The following CDC23 variants were observed in gnomAD, a reference collection of about 807,000 sequenced individuals.
CDC23 encodes the protein cell division cycle protein 23 homolog.
A neutral mutation model predicts 81.7 loss-of-function variants in CDC23; 26 were observed. The ratio of observed to expected loss-of-function variants is 0.32; its 90% CI spans 0.23 to 0.44. CDC23 has a LOEUF of 0.44. CDC23 is among the 20% of genes least tolerant of loss of function. The probability of loss-of-function intolerance (pLI) is 1.00; values close to 1 mark genes in which losing one functional copy is unlikely to be tolerated. For synonymous variants in CDC23, 267 were observed against 270.8 expected, an observed-to-expected ratio of 0.99 and a Z score of 0.14; for missense variants, 519 against 728.0, an observed-to-expected ratio of 0.71 and a Z score of 3.30.
intron 3 of CDC23, among the ~76,000 whole-genome samples, chr5:138,202,923 T>C (rs1755005103): frequency 6.6e-6 from 1 of 152,192 alleles, no homozygotes; most frequent in Non-Finnish European, 1.5e-5. Flanking sequence ...GGTCTTAAAA[T>C]GTTATCCGCA....
chr5:138,210,831 G>A (rs1188798111), intron 2 of CDC23, among the ~76,000 whole-genome samples: 1 of 152,178 alleles, frequency 6.6e-6, no homozygotes, highest in Non-Finnish European at 1.5e-5. Context: ...GATATTTACT[G>A]AGGCTCTACT....
At chr5:138,202,587 C>T (rs754098328) in intron 3 of CDC23, among the ~76,000 whole-genome samples, 12 of 152,148 alleles carry the variant, frequency 7.9e-5, no homozygotes, top group Middle Eastern at 3.2e-3. Context: ...CCCAGCTGGT[C>T]ACTAATTTCA....
At chr5:138,192,189 T>C (rs1581482963) in intron 11 of CDC23, 80 bp downstream of exon 11, 1 of 1,551,802 alleles carries the variant, frequency 6.4e-7, no homozygotes, top group African/African-American at 1.4e-5. Flanking sequence ...CCACTGTGAT[T>C]TGTCAATAGC....
chr5:138,195,729 T>TACAC (rs1330208944), intron 9 of CDC23, among the ~76,000 whole-genome samples: 11 of 116,040 alleles, frequency 9.5e-5, no homozygotes, highest in Non-Finnish European at 1.7e-4. Flanking sequence ...TATGTATATA[T>TACAC]ATACATATAA....
intron 13 of CDC23, 93 bp downstream of exon 13, chr5:138,191,381 T>G: frequency 9.9e-7 from 1 of 1,007,228 alleles, no homozygotes; most frequent in Non-Finnish European, 1.6e-6. Context: ...CTATGTAGAA[T>G]GATGGGTGTA....
At position 138,188,399 on chromosome 5, in the gene CDC23, G is replaced by C. The variant is rs139049161; in HGVS notation, c.*579C>G. On this transcript the variant is annotated 3_prime_UTR_variant, in exon 16 of 16. Transcript: ENST00000394886. ...AGTTACTTCCAATTTGAAAGCTTTA[G>C]AAGACCCCCCCAAAACTGTTTTGGA... is the stretch of plus-strand genomic sequence containing the variant. 4.5e-4 allele frequency: 68 copies of C among 152,150 alleles called. No individual in the cohort carries two copies. The highest frequency in any genetic ancestry group is 1.5e-3 in the African/African-American group (62 of 41,486). 9.4% of individuals were successfully genotyped at this position (152,150 alleles called of 1,614,324 possible).
At chr5:138,195,735 T>TATAATATATATGTATATATATAC (rs1754891147) in intron 9 of CDC23, among the ~76,000 whole-genome samples, 1 of 118,490 alleles carries the variant, frequency 8.4e-6, no homozygotes, top group Non-Finnish European at 1.7e-5. Flanking sequence ...TATATATACA[T>TATAATATATATGTATATATATAC]ATAATATATA....
At position 138,188,938 on chromosome 5, in the gene CDC23, T is replaced by C. The variant is rs774037003; in HGVS notation, c.*40A>G. ...TCTTTACATGGAGGTAAGGCTTAAT[T>C]AAGATGGGTCTAACAATGTGCTGGC... On this transcript the variant is annotated 3_prime_UTR_variant, in exon 16 of 16. Transcript: ENST00000394886. 6.3e-7 allele frequency: 1 copy of C among 1,594,098 alleles called. No individual in the cohort carries two copies. The highest frequency in any genetic ancestry group is 2.2e-5 in the East Asian group (1 of 44,588).
chr5:138,212,888 T>A, intron 2 of CDC23, 103 bp downstream of exon 2: 3 of 875,706 alleles, frequency 3.4e-6, no homozygotes. Context: ...TCTACAAACA[T>A]TTCTGCTAAG....
chr5:138,189,912 A>T lies in CDC23; in HGVS notation c.1425-6T>A. On this transcript the variant is annotated splice_polypyrimidine_tract_variant and splice_region_variant and intron_variant, in intron 13 of 15. Transcript: ENST00000394886. ...CAGTCAACTGTTCATGAAGCCTACA[A>T]AAGAAACTGATCTTTAAATACCAAT... is the stretch of plus-strand genomic sequence containing the variant. 1 of 1,613,442 alleles carries T rather than the reference A, an allele frequency of 6.2e-7. No individual in the cohort carries two copies. The highest frequency in any genetic ancestry group is 8.5e-7 in the Non-Finnish European group (1 of 1,179,546).
intron 2 of CDC23, among the ~76,000 whole-genome samples, chr5:138,207,774 G>A (rs1755068069): frequency 6.6e-6 from 1 of 151,974 alleles, no homozygotes; most frequent in Non-Finnish European, 1.5e-5. Flanking sequence ...TGGGCAACGT[G>A]GCAAGACCCT....
At chr5:138,202,027 AT>A (rs1754995136) in intron 4 of CDC23, 85 bp downstream of exon 4, 1 of 907,180 alleles carries the variant, frequency 1.1e-6, no homozygotes, top group East Asian at 2.5e-5. Context: ...TCCTCAGACC[AT>A]TCATATTACC....
chr5:138,199,598 C>T (rs537437695), intron 6 of CDC23, among the ~76,000 whole-genome samples: 2 of 152,098 alleles, frequency 1.3e-5, no homozygotes, highest in African/African-American at 4.8e-5. Flanking sequence ...GAGATGTATA[C>T]AAGAAAGTAA....
chr5:138,188,878 A>AAGAAGAGCTG lies in CDC23; in HGVS notation c.*90_*99dup. 1.7e-6 allele frequency: 2 copies of AAGAAGAGCTG among 1,186,490 alleles called. No homozygotes were observed. Among genetic ancestry groups the AAGAAGAGCTG allele is most frequent in the South Asian group, 3.3e-5 (2 of 60,672 alleles). 73.5% of individuals were successfully genotyped at this position (1,186,490 alleles called of 1,614,324 possible). A position where few individuals can be genotyped will look rare whatever the true frequency, so the allele number is the denominator to read the frequency against. On this transcript the variant is annotated 3_prime_UTR_variant, in exon 16 of 16. Transcript: ENST00000394886. ...TGGAGCTGTTGCCATCTGTAGAAAC[A>AAGAAGAGCTG]AGAAGAGCTGAGGTCCTTGGAACAG...
At chr5:138,195,658 T>C (rs1282638910) in intron 9 of CDC23, among the ~76,000 whole-genome samples, 1 of 117,296 alleles carries the variant, frequency 8.5e-6, no homozygotes, top group African/African-American at 3.3e-5. Context: ...ATATATTATA[T>C]ACATATATTT....
intron 9 of CDC23, among the ~76,000 whole-genome samples, chr5:138,195,770 A>G (rs1178560349): frequency 1.0e-4 from 12 of 118,620 alleles, no homozygotes; most frequent in Middle Eastern, 7.6e-3. Context: ...TATATTATAT[A>G]TGTGTATATA....
At chr5:138,193,221 T>G (rs1754845346) in intron 9 of CDC23, among the ~76,000 whole-genome samples, 1 of 152,162 alleles carries the variant, frequency 6.6e-6, no homozygotes, top group Admixed American at 6.5e-5. Context: ...AGCCACCACA[T>G]CTGGCCTATA....
intron 9 of CDC23, among the ~76,000 whole-genome samples, chr5:138,194,870 C>T (rs1754866841): frequency 6.6e-6 from 1 of 151,582 alleles, no homozygotes; most frequent in Non-Finnish European, 1.5e-5. Flanking sequence ...TACAGGTATC[C>T]GCCACCATGC....
Position 138,189,752 on chromosome 5 carries a change from C to T in CDC23, c.1504G>A (p.Glu502Lys). Reference sequence around the variant, plus strand: ...CTTTCCTCCAAGTGTTCTACTATTTCCTAGAAAGGGAAAGCAAAATTACTG... The same window carrying T: ...CTTTCCTCCAAGTGTTCTACTATTTTCTAGAAAGGGAAAGCAAAATTACTG... ...KYIQDIYSCG[E>K]IVEHLEESTA... The change falls in exon 15 of 16, where the codon GAA (glutamate) becomes AAA (lysine). Residue 502 changes from glutamate to lysine, a missense_variant and splice_region_variant. This residue lies in a region of CDC23 where 175 missense variants were observed against 337.8 expected (regional missense o/e 0.52). Transcript: ENST00000394886. The T allele has an allele frequency of 6.2e-7, 1 of 1,613,366 alleles. No homozygotes were observed.
Sources: gnomAD v4.1 joint callset for allele counts (sites outside exome capture counted in the v4.1 genomes callset) on GRCh38, gnomAD v4.1.1 for gene constraint, gnomAD v4.1.1 regional missense constraint, MANE v1.5 for transcripts, NCBI Gene and HGNC (gene_info 2026-07-23, HGNC 2026-07-21) for gene names.